Variants in SAMD8 observed in about 807,000 individuals in gnomAD.
SAMD8 encodes sterile alpha motif domain containing 8, also known as sphingomyelin synthase-related protein 1.
Under a neutral mutation model 42.0 loss-of-function variants are expected in SAMD8, and 20 were observed. The observed-to-expected ratio is 0.48, with a 90% CI of 0.34 to 0.69. The LOEUF is 0.69. SAMD8 is among the 30% of genes least tolerant of loss of function. The pLI is 0.01. For synonymous variants in SAMD8, 162 were observed against 173.0 expected (o/e 0.94, Z 0.50); for missense variants, 328 against 511.6 (o/e 0.64, Z 3.46).
rs572907589 is a variant in SAMD8, at chr10:75,180,630, A to G, written c.*3938A>G. On this transcript the variant is annotated 3_prime_UTR_variant, in exon 6 of 6. Transcript: ENST00000542569. Reference sequence around the variant, plus strand: ...ATTCAGAAGAAAAAGTCAGTGACAGAGAGACCAGAACCCATTGGATCAAGA... The same window carrying G: ...ATTCAGAAGAAAAAGTCAGTGACAGGGAGACCAGAACCCATTGGATCAAGA... 6.6e-6 allele frequency: 1 copy of G among 152,350 alleles called. No individual in the cohort carries two copies. The highest frequency in any genetic ancestry group is 1.5e-5 in the Non-Finnish European group (1 of 68,054). The allele number at this position is 152,350 out of a possible 1,614,324, so 9.4% of individuals were successfully genotyped here.
intron 1 of SAMD8, among the ~76,000 whole-genome samples, chr10:75,147,632 T>C (rs1564686692): frequency 6.6e-6 from 1 of 152,192 alleles, no homozygotes. Flanking sequence ...TGGCTTTGTT[T>C]TATGTGAAGG....
chr10:75,169,736 G>T (rs1277721888), intron 4 of SAMD8, among the ~76,000 whole-genome samples: 1 of 152,052 alleles, frequency 6.6e-6, no homozygotes, highest in Admixed American at 6.6e-5. Context: ...CCAACATGGT[G>T]CAGTCTACTA....
In SAMD8 at chr10:75,134,956, G is replaced by A. The variant is rs183633125; in HGVS notation, c.-15-15558G>A. On this transcript the variant is annotated intron_variant, in intron 1 of 5. Coordinates refer to ENST00000542569, the MANE Select transcript of SAMD8 (RefSeq NM_001174156.2). Reference sequence around the variant, plus strand: ...CATGCCTGTAGTCCCCGCTACTCAGGAGGCTGAGGTGGGAGGATCACTTGA... The same window carrying A: ...CATGCCTGTAGTCCCCGCTACTCAGAAGGCTGAGGTGGGAGGATCACTTGA... Among the ~76,000 whole-genome samples the A allele has an allele frequency of 5.5e-3, 839 of 152,190 alleles. 6 individuals are homozygous for A. Among genetic ancestry groups the A allele is most frequent in the African/African-American group, 0.019 (783 of 41,510 alleles).
At chr10:75,123,121 G>A (rs1033868514) in intron 1 of SAMD8, among the ~76,000 whole-genome samples, 8 of 151,948 alleles carry the variant, frequency 5.3e-5, no homozygotes, top group Non-Finnish European at 7.4e-5. Context: ...CTTGCTTGCT[G>A]GGAAGGAAAT....
chr10:75,138,524 C>T (rs1271461657), intron 1 of SAMD8, among the ~76,000 whole-genome samples: 1 of 152,134 alleles, frequency 6.6e-6, no homozygotes, highest in Non-Finnish European at 1.5e-5. Flanking sequence ...GACTCATTGA[C>T]TAAAGACTAT....
intron 1 of SAMD8, chr10:75,125,084 G>A (rs1849099365): frequency 1.3e-5 from 2 of 152,144 alleles, no homozygotes; most frequent in African/African-American, 4.8e-5. Context: ...ACCACACCTA[G>A]CCAATTATTC....
At chr10:75,175,955 T>G in intron 4 of SAMD8, 111 bp from the exon 5 acceptor site, 1 of 1,518,386 alleles carries the variant, frequency 6.6e-7, no homozygotes. Flanking sequence ...ATGCTTTGGC[T>G]TAGATCTTAT....
intron 2 of SAMD8, among the ~76,000 whole-genome samples, chr10:75,158,647 T>G (rs1230546323): frequency 6.6e-6 from 1 of 152,134 alleles, no homozygotes; most frequent in Non-Finnish European, 1.5e-5. Flanking sequence ...TTTACAAAGT[T>G]GTAGAGCCAT....
upstream of SAMD8, chr10:75,109,035 A>G (rs1479877853): frequency 6.2e-7 from 1 of 1,610,810 alleles, no homozygotes; most frequent in Non-Finnish European, 8.5e-7. Context: ...GGTTGGGCCA[A>G]ACTTCGTCCA....
chr10:75,108,193 G>A (rs755368987), upstream of SAMD8: 28 of 1,605,906 alleles, frequency 1.7e-5, no homozygotes, highest in East Asian at 2.2e-5. Context: ...AGCTCAAAGC[G>A]GTTGTTTGCC....
chr10:75,163,174 C>T lies in SAMD8; in HGVS notation c.579-1471C>T, dbSNP rs546437037. Among the ~76,000 whole-genome samples the T allele has an allele frequency of 5.9e-5, 9 of 152,322 alleles. No homozygotes were observed. In the South Asian group the frequency reaches 1.9e-3, roughly 32 times the overall value. On this transcript the variant is annotated intron_variant, in intron 2 of 5. Coordinates refer to ENST00000542569, the MANE Select transcript of SAMD8 (RefSeq NM_001174156.2). ...ACTCCTGACCTCGTGATCCACCCGCCTTGGCCTCCCAAAGTGCTGGGATTA... is the reference window on the plus strand; with the variant it reads ...ACTCCTGACCTCGTGATCCACCCGCTTTGGCCTCCCAAAGTGCTGGGATTA...
intron 3 of SAMD8, among the ~76,000 whole-genome samples, chr10:75,167,982 T>C (rs990787097): frequency 1.3e-5 from 2 of 152,166 alleles, no homozygotes; most frequent in African/African-American, 4.8e-5. Flanking sequence ...ATAACTCTTT[T>C]ACTTTCTTTT....
At chr10:75,108,413 C>CGGGG (rs978758993), upstream of SAMD8, 7 of 917,744 alleles carry the variant, frequency 7.6e-6, no homozygotes, top group African/African-American at 1.2e-4. Context: ...GTGTGTGTGT[C>CGGGG]GGGGGATCTT....
intron 2 of SAMD8, among the ~76,000 whole-genome samples, chr10:75,159,063 C>CTTTT (rs530043259): frequency 7.5e-6 from 1 of 133,456 alleles, no homozygotes; most frequent in African/African-American, 2.9e-5. Context: ...TTTTCTTTTT[C>CTTTT]TTTTTTTTTT....
rs959593378 is a variant in SAMD8, at chr10:75,181,443, ATGC to A, written c.*4752_*4754del. ...CCCCTTCTCACCTCACCCGGATGTAATGCCACCAATTTCAAATAACTAAAATGT... is the reference window on the plus strand; with the variant it reads ...CCCCTTCTCACCTCACCCGGATGTAACACCAATTTCAAATAACTAAAATGT... On this transcript the variant is annotated 3_prime_UTR_variant, in exon 6 of 6. Transcript: ENST00000542569. The A allele has an allele frequency of 6.9e-6, 1 of 144,898 alleles. No homozygotes were observed. The highest frequency in any genetic ancestry group is 2.6e-5 in the African/African-American group (1 of 38,290). 9.0% of individuals were successfully genotyped at this position (144,898 alleles called of 1,614,324 possible). A position where few individuals can be genotyped will look rare whatever the true frequency, so the allele number is the denominator to read the frequency against.
chr10:75,155,930 G>A (rs1433761404), intron 2 of SAMD8, among the ~76,000 whole-genome samples: 8 of 152,262 alleles, frequency 5.3e-5, no homozygotes, highest in Admixed American at 3.9e-4. Flanking sequence ...CTGTTCCCAG[G>A]CCAGGTATGG....
At chr10:75,134,710 A>G (rs1383320085) in intron 1 of SAMD8, among the ~76,000 whole-genome samples, 1 of 152,122 alleles carries the variant, frequency 6.6e-6, no homozygotes, top group Admixed American at 6.6e-5. Flanking sequence ...TATGACTAAT[A>G]ATAATGTATA....
upstream of SAMD8, among the ~76,000 whole-genome samples, chr10:75,107,446 G>T (rs557025197): frequency 2.2e-4 from 33 of 152,302 alleles, no homozygotes; most frequent in Non-Finnish European, 4.6e-4. Flanking sequence ...GAGCTGTTCT[G>T]CTGTTTGGGA....
At position 75,176,167 on chromosome 10, in the gene SAMD8, T is replaced by G; in HGVS notation, c.894T>G (p.Phe298Leu). 6.2e-7 allele frequency: 1 copy of G among 1,614,248 alleles called. No homozygotes were observed. The highest frequency in any genetic ancestry group is 8.5e-7 in the Non-Finnish European group (1 of 1,180,040). The change falls in exon 5 of 6, where the codon TTT becomes TTG. Residue 298 changes from phenylalanine (F) to leucine (L), a missense_variant. Phe to Leu is a conservative substitution (Grantham distance 22). This residue lies in a region of SAMD8 where 178 missense variants were observed against 325.6 expected (regional missense o/e 0.55). Transcript: ENST00000542569. The surrounding 1 kb of genome is among the most constrained non-coding windows in gnomAD (Gnocchi z 4.3). The part of the protein sequence containing the change: ...TGVHTCGDYM[F>L]SGHTVVLTML... Reference sequence around the variant, plus strand: ...TTCACACATGTGGAGATTACATGTTTAGTGGCCACACAGTCGTCCTAACTA... The same window carrying G: ...TTCACACATGTGGAGATTACATGTTGAGTGGCCACACAGTCGTCCTAACTA...
Sources: gnomAD v4.1 joint callset for allele counts (sites outside exome capture counted in the v4.1 genomes callset) on GRCh38, gnomAD v4.1.1 for gene constraint, gnomAD v4.1.1 regional missense constraint, Gnocchi (gnomAD v3.1) non-coding constraint, MANE v1.5 for transcripts, NCBI Gene and HGNC (gene_info 2026-07-23, HGNC 2026-07-21) for gene names.